Variants in RIT2 observed in about 807,000 individuals in gnomAD.
The protein encoded by RIT2 is GTP-binding protein Rit2.
A neutral mutation model predicts 23.7 loss-of-function variants in RIT2; 24 were observed. The observed-to-expected ratio is 1.01, with a 90% CI of 0.73 to 1.43. The LOEUF (loss-of-function observed/expected upper bound fraction) is 1.43. Among genes scored for constraint, RIT2 ranks in the 40% most tolerant of loss-of-function variants. RIT2 has a pLI of 0.00. For synonymous variants in RIT2, 107 were observed against 91.1 expected (o/e 1.17, Z -0.99); for missense variants, 236 against 266.9 (o/e 0.88, Z 0.81).
At chr18:43,072,290 T>A (rs1912917104) in intron 1 of RIT2, among the ~76,000 whole-genome samples, 1 of 152,102 alleles carries the variant, frequency 6.6e-6, no homozygotes, top group Non-Finnish European at 1.5e-5. Context: ...CTGGCCCTAA[T>A]TCATGGTATT....
At chr18:42,959,501 T>C (rs1440779111) in intron 3 of RIT2, among the ~76,000 whole-genome samples, 1 of 152,188 alleles carries the variant, frequency 6.6e-6, no homozygotes, top group Non-Finnish European at 1.5e-5. Flanking sequence ...AAGACAGTTT[T>C]CTCAGTTATT....
At chr18:42,949,525 T>C (rs1344342564) in intron 3 of RIT2, among the ~76,000 whole-genome samples, 1 of 152,132 alleles carries the variant, frequency 6.6e-6, no homozygotes, top group Non-Finnish European at 1.5e-5. Flanking sequence ...CAGATAACCT[T>C]GCAGAAATAT....
chr18:42,962,097 G>A (rs1261074184), intron 3 of RIT2, among the ~76,000 whole-genome samples: 2 of 152,180 alleles, frequency 1.3e-5, no homozygotes, highest in Non-Finnish European at 2.9e-5. Context: ...CGGTAGCTAC[G>A]TAAGCAGACT....
intron 4 of RIT2, among the ~76,000 whole-genome samples, chr18:42,837,367 T>A (rs765377520): frequency 2.0e-5 from 3 of 151,548 alleles, no homozygotes; most frequent in Non-Finnish European, 4.4e-5. Flanking sequence ...TGAGGTTTCA[T>A]CTTGTTAGCC....
chr18:42,936,651 T>C (rs1201433558), intron 3 of RIT2, among the ~76,000 whole-genome samples: 1 of 152,184 alleles, frequency 6.6e-6, no homozygotes, highest in African/African-American at 2.4e-5. Context: ...CTTAAGTATA[T>C]ATCTCTATAC....
At chr18:43,050,747 A>T (rs1304214169) in intron 1 of RIT2, among the ~76,000 whole-genome samples, 2 of 152,020 alleles carry the variant, frequency 1.3e-5, no homozygotes, top group East Asian at 3.9e-4. Flanking sequence ...CAATGCTAAC[A>T]TTGTGAAGCT....
At chr18:43,067,683 T>C (rs1423578862) in intron 1 of RIT2, among the ~76,000 whole-genome samples, 1 of 152,188 alleles carries the variant, frequency 6.6e-6, no homozygotes, top group African/African-American at 2.4e-5. Context: ...AGCCACCAGG[T>C]AGCAGGCTTC....
intron 4 of RIT2, among the ~76,000 whole-genome samples, chr18:42,845,451 GA>G (rs1169898280): frequency 6.7e-6 from 1 of 149,806 alleles, no homozygotes; most frequent in African/African-American, 2.4e-5. Flanking sequence ...TTTTTTAAGG[GA>G]AAAATATAGA....
chr18:42,918,037 C>T (rs1279045385), intron 4 of RIT2, among the ~76,000 whole-genome samples: 1 of 152,056 alleles, frequency 6.6e-6, no homozygotes, highest in Non-Finnish European at 1.5e-5. Flanking sequence ...TAATTTTATT[C>T]CTAGTACCAT....
chr18:42,867,449 A>G (rs1251042946), intron 4 of RIT2, among the ~76,000 whole-genome samples: 1 of 152,096 alleles, frequency 6.6e-6, no homozygotes, highest in African/African-American at 2.4e-5. Flanking sequence ...ATTATAATTA[A>G]CTAGTCTAAC....
At chr18:42,856,953 G>A (rs539829474) in intron 4 of RIT2, among the ~76,000 whole-genome samples, 57 of 150,062 alleles carry the variant, frequency 3.8e-4, no homozygotes, top group African/African-American at 1.0e-3. Context: ...CTCAGCCTCC[G>A]GAGCAGCTGG....
intron 3 of RIT2, among the ~76,000 whole-genome samples, chr18:42,942,968 G>C (rs1909639533): frequency 6.6e-6 from 1 of 152,068 alleles, no homozygotes; most frequent in South Asian, 2.1e-4. Flanking sequence ...TCATAGTCTT[G>C]CTGACTTCAA....
In RIT2 at chr18:42,830,302, C is replaced by G. The variant is rs1019083874; in HGVS notation, c.427-86582G>C. Among the ~76,000 whole-genome samples, 7 of 152,208 alleles carry G rather than the reference C, an allele frequency of 4.6e-5. 1 individual carries two copies. The South Asian group carries it at 1.4e-3, about 31-fold the overall frequency. On this transcript the variant is annotated intron_variant, in intron 4 of 4. Coordinates refer to ENST00000326695, the MANE Select transcript of RIT2 (RefSeq NM_002930.4). ...AAGCAACCATCAACCATCAACAACT[C>G]AATTTGGTGTTGCCTGGTCTTCTGT...
At chr18:42,993,244 T>C (rs1910897595) in intron 2 of RIT2, among the ~76,000 whole-genome samples, 1 of 152,160 alleles carries the variant, frequency 6.6e-6, no homozygotes, top group Admixed American at 6.5e-5. Context: ...CACTGAAAGT[T>C]GGACTGTTCA....
At chr18:43,018,429 A>G (rs2144262727) in intron 2 of RIT2, among the ~76,000 whole-genome samples, 1 of 152,104 alleles carries the variant, frequency 6.6e-6, no homozygotes, top group Admixed American at 6.6e-5. Flanking sequence ...TTAACTATAC[A>G]TAGAAGTGAT....
At chr18:42,812,246 C>T (rs183617374) in intron 4 of RIT2, among the ~76,000 whole-genome samples, 3 of 152,258 alleles carry the variant, frequency 2.0e-5, no homozygotes, top group Admixed American at 6.5e-5. Flanking sequence ...GGCTAGTGTA[C>T]ATGTCTCCAT....
At chr18:42,976,574 T>G (rs1910482724) in intron 2 of RIT2, among the ~76,000 whole-genome samples, 1 of 152,006 alleles carries the variant, frequency 6.6e-6, no homozygotes, top group Admixed American at 6.6e-5. Context: ...TTATTTGTGT[T>G]TGGGTCATGT....
Position 42,947,293 on chromosome 18 carries a change from C to T in RIT2, c.235-23530G>A, listed in dbSNP as rs142751601. Reference sequence around the variant, plus strand: ...AGCTTAACTGAGAGTGGACTGAATTCCTTTGTCTTGAAAACACAGTTGACA... The same window carrying T: ...AGCTTAACTGAGAGTGGACTGAATTTCTTTGTCTTGAAAACACAGTTGACA... On this transcript the variant is annotated intron_variant, in intron 3 of 4. Transcript: ENST00000326695. Among the ~76,000 whole-genome samples the T allele has an allele frequency of 6.1e-3, 928 of 152,160 alleles. 5 individuals carry two copies. Among genetic ancestry groups the T allele is most frequent in the Middle Eastern group, 0.027 (8 of 294 alleles).
At chr18:43,100,407 G>T (rs973898173) in intron 1 of RIT2, among the ~76,000 whole-genome samples, 1 of 152,148 alleles carries the variant, frequency 6.6e-6, no homozygotes, top group African/African-American at 2.4e-5. Flanking sequence ...TGAGATCACA[G>T]AAGTGACATT....
Sources: allele counts gnomAD v4.1 joint callset (sites outside exome capture counted in the v4.1 genomes callset), GRCh38; gene constraint gnomAD v4.1.1; transcripts MANE v1.5; gene names NCBI Gene and HGNC (gene_info 2026-07-23, HGNC 2026-07-21).